The following SPATA13 variants were observed in gnomAD, a reference collection of about 807,000 sequenced individuals.
SPATA13 encodes the protein spermatogenesis-associated protein 13.
SPATA13 carries 50 observed loss-of-function variants against 104.0 expected under a neutral mutation model. The ratio of observed to expected loss-of-function variants is 0.48; its 90% CI spans 0.38 to 0.61. The LOEUF is 0.61. SPATA13 is among the 20% of genes least tolerant of loss of function. The pLI, the probability that SPATA13 is intolerant of heterozygous loss-of-function variation, is 0.00. For synonymous variants in SPATA13, 606 were observed against 667.5 expected, an observed-to-expected ratio of 0.91 and a Z score of 1.42; for missense variants, 1,524 against 1,690.6, an observed-to-expected ratio of 0.90 and a Z score of 1.73.
intron 1 of SPATA13, among the ~76,000 whole-genome samples, chr13:24,167,622 A>T (rs1593375263): frequency 6.6e-6 from 1 of 152,288 alleles, no homozygotes; most frequent in South Asian, 2.1e-4. Flanking sequence ...TGGGTGCCCT[A>T]GGATTTTGTA....
intron 2 of SPATA13, among the ~76,000 whole-genome samples, chr13:24,006,616 C>T (rs1320045067): frequency 6.6e-6 from 1 of 152,196 alleles, no homozygotes; most frequent in Non-Finnish European, 1.5e-5. Context: ...TGGACCCTAA[C>T]TCTGGGAGGT....
intron 4 of SPATA13, among the ~76,000 whole-genome samples, chr13:24,263,761 C>T (rs1043215918): frequency 6.6e-5 from 10 of 152,264 alleles, no homozygotes; most frequent in Admixed American, 2.0e-4. Flanking sequence ...GATGTGTAAC[C>T]CACAGATACG....
At chr13:24,047,968 A>G (rs1311297932) in intron 3 of SPATA13, among the ~76,000 whole-genome samples, 2 of 152,208 alleles carry the variant, frequency 1.3e-5, no homozygotes, top group African/African-American at 4.8e-5. Flanking sequence ...CAGGTGCGTC[A>G]ATGTCTGACA....
intron 3 of SPATA13, among the ~76,000 whole-genome samples, chr13:24,069,566 C>T (rs1879086812): frequency 6.6e-6 from 1 of 152,074 alleles, no homozygotes. Flanking sequence ...CTACAAACAG[C>T]GATAATTTGC....
rs370396632 is a variant in SPATA13 at position 24,304,653 on chromosome 13, C to T, written c.*1880C>T. 4.6e-5 allele frequency: 7 copies of T among 152,380 alleles called. No individual in the cohort carries two copies. The East Asian group carries it at 1.2e-3, about 25-fold the overall frequency. 9.4% of individuals were successfully genotyped at this position (152,380 alleles called of 1,614,324 possible). A position where few individuals can be genotyped will look rare whatever the true frequency, so the allele number is the denominator to read the frequency against. ...TTGGTCCTCAGGTGAACCCTTGGAA[C>T]ATTCTGTGACCGCCTGATGTCCATT... On this transcript the variant is annotated 3_prime_UTR_variant, in exon 13 of 13. Transcript: ENST00000382108.
At chr13:24,202,029 T>C (rs952870687) in intron 1 of SPATA13, among the ~76,000 whole-genome samples, 2 of 151,858 alleles carry the variant, frequency 1.3e-5, no homozygotes, top group African/African-American at 4.8e-5. Flanking sequence ...TCTGGCTTAG[T>C]AGCTCATTTC....
At chr13:24,016,028 A>G (rs1022909467) in intron 2 of SPATA13, among the ~76,000 whole-genome samples, 1 of 152,044 alleles carries the variant, frequency 6.6e-6, no homozygotes, top group African/African-American at 2.4e-5. Context: ...GTTGGCTGCA[A>G]TAGTGTGAGC....
chr13:24,231,249 G>A (rs543299060), intron 2 of SPATA13, among the ~76,000 whole-genome samples: 17 of 152,280 alleles, frequency 1.1e-4, no homozygotes, highest in Middle Eastern at 3.4e-3. Flanking sequence ...AAGAAGCCTC[G>A]CGCCATTTGC....
At chr13:23,988,134 G>A (rs1186373781) in intron 2 of SPATA13, among the ~76,000 whole-genome samples, 1 of 151,992 alleles carries the variant, frequency 6.6e-6, no homozygotes, top group Non-Finnish European at 1.5e-5. Context: ...TAGTAGAGAC[G>A]GGGTTTCACT....
At chr13:24,065,602 CA>C (rs568115615) in intron 3 of SPATA13, among the ~76,000 whole-genome samples, 393 of 28,468 alleles carry the variant, frequency 0.014, 1 homozygote, top group African/African-American at 0.021. Flanking sequence ...ATAAGCTCCT[CA>C]CAAGACAGAG....
At chr13:24,247,524 G>C (rs1024123681) in intron 2 of SPATA13, among the ~76,000 whole-genome samples, 1 of 123,348 alleles carries the variant, frequency 8.1e-6, no homozygotes, top group African/African-American at 3.0e-5. Flanking sequence ...CTGTCACCCG[G>C]GCTGGAGTGC....
At position 24,161,334 on chromosome 13, in the gene SPATA13, G is replaced by C. The variant is rs1024928993; in HGVS notation, c.-112+402G>C. 1.3e-5 allele frequency among the ~76,000 whole-genome samples: 2 copies of C among 152,190 alleles called. No individual in the cohort carries two copies. Among genetic ancestry groups the C allele is most frequent in the African/African-American group, 4.8e-5 (2 of 41,458 alleles). On this transcript the variant is annotated intron_variant, in intron 1 of 12. Transcript: ENST00000382108. The surrounding 1 kb of genome is among the most constrained non-coding windows in gnomAD (Gnocchi z 4.5). ...AGAGTCTGGGGAGCCTGGCGCGGCG[G>C]AGCCCTGTAACGCTCTGCTCCATCG...
chr13:24,269,099 G>A (rs138657885), intron 4 of SPATA13, among the ~76,000 whole-genome samples: 4 of 152,248 alleles, frequency 2.6e-5, no homozygotes, highest in Non-Finnish European at 5.9e-5. Context: ...CAGCGTGACG[G>A]CTAACATTTA....
At chr13:24,072,863 C>CTTTTTTTTTTTTTTTTTTTT in intron 3 of SPATA13, among the ~76,000 whole-genome samples, 1 of 117,668 alleles carries the variant, frequency 8.5e-6, no homozygotes, top group Admixed American at 1.0e-4. Context: ...TAAGTGTAGT[C>CTTTTTTTTTTTTTTTTTTTT]TAAGTTGAAT....
At chr13:24,050,809 A>C (rs1443104003) in intron 3 of SPATA13, among the ~76,000 whole-genome samples, 1 of 152,170 alleles carries the variant, frequency 6.6e-6, no homozygotes, top group East Asian at 1.9e-4. Context: ...CATGCCACCC[A>C]CCACGTGTGG....
At chr13:24,083,867 C>A (rs541898319) in intron 3 of SPATA13, among the ~76,000 whole-genome samples, 14 of 152,288 alleles carry the variant, frequency 9.2e-5, no homozygotes, top group African/African-American at 2.4e-4. Flanking sequence ...GGGGAAAAAA[C>A]CCCCGTCTGG....
chr13:24,284,587 C>T (rs1875787754), intron 5 of SPATA13, among the ~76,000 whole-genome samples: 1 of 152,162 alleles, frequency 6.6e-6, no homozygotes, highest in Non-Finnish European at 1.5e-5. Flanking sequence ...TTGCTTGAAG[C>T]TGGGAGGCGG....
chr13:24,279,726 A>C (rs55860369), intron 4 of SPATA13, among the ~76,000 whole-genome samples: 2 of 152,146 alleles, frequency 1.3e-5, no homozygotes, highest in Non-Finnish European at 2.9e-5. Context: ...TGAAGCTCAA[A>C]GAGCTGAAGT....
intron 2 of SPATA13, among the ~76,000 whole-genome samples, chr13:24,226,187 T>C (rs773018518): frequency 6.6e-6 from 1 of 152,224 alleles, no homozygotes; most frequent in Non-Finnish European, 1.5e-5. Context: ...GGTCGCTGAC[T>C]TCACACGAAA....
Sources: allele counts gnomAD v4.1 joint callset (sites outside exome capture counted in the v4.1 genomes callset), GRCh38; gene constraint gnomAD v4.1.1; non-coding constraint Gnocchi (gnomAD v3.1); transcripts MANE v1.5; gene names NCBI Gene and HGNC (gene_info 2026-07-23, HGNC 2026-07-21).